Variants in MMP16 observed in about 807,000 individuals in gnomAD.
The protein encoded by MMP16 is matrix metallopeptidase 16.
A neutral mutation model predicts 67.8 loss-of-function variants in MMP16; 12 were observed. The ratio of observed to expected loss-of-function variants is 0.18; its 90% confidence interval spans 0.11 to 0.29. MMP16 has a LOEUF of 0.29. MMP16 is among the 10% of genes least tolerant of loss of function. MMP16 has a pLI of 1.00. For missense variants in MMP16, 475 were observed against 765.7 expected (o/e 0.62, Z 4.48); for synonymous variants, 249 against 255.9 (o/e 0.97, Z 0.26).
chr8:88,261,792 C>CACACACACA (rs1321855639), intron 1 of MMP16, among the ~76,000 whole-genome samples: 3 of 151,520 alleles, frequency 2.0e-5, no homozygotes, highest in Non-Finnish European at 2.9e-5. Context: ...CACACACACA[C>CACACACACA]AACCATATAA....
chr8:88,186,582 G>A lies in MMP16; in HGVS notation c.298C>T (p.Arg100Ter), dbSNP rs747928115. Residue 100 changes from arginine to a stop codon, truncating the protein, a stop_gained, in exon 3 of 10, where the codon CGA becomes TGA. Transcript: ENST00000286614. LOFTEE classifies it high-confidence loss of function. ...RNTIDWMKKPRCGVPDQTRGS... is the reference protein window; with the variant it reads ...RNTIDWMKKP ...CTTGTCTGGTCAGGTACACCGCATC[G>A]GGGCTTCTTCATCCAGCTGCAAAAA... 3 of 1,568,884 alleles carry A rather than the reference G, an allele frequency of 1.9e-6. No individual in the cohort carries two copies. The highest frequency in any genetic ancestry group is 1.2e-5 in the South Asian group (1 of 84,030).
intron 6 of MMP16, 84 bp from the exon 7 acceptor site, chr8:88,074,827 T>C: frequency 1.4e-6 from 2 of 1,465,440 alleles, no homozygotes; most frequent in Non-Finnish European, 9.3e-7. Context: ...GCTTTTGAAA[T>C]CAAGCTGGTT....
At chr8:88,119,737 A>G (rs1807787399) in intron 4 of MMP16, among the ~76,000 whole-genome samples, 2 of 152,078 alleles carry the variant, frequency 1.3e-5, no homozygotes, top group Non-Finnish European at 1.5e-5. Flanking sequence ...TTTTAATGCT[A>G]AAAATTTACT....
chr8:88,306,446 A>C (rs1020469775), intron 1 of MMP16, among the ~76,000 whole-genome samples: 1 of 152,140 alleles, frequency 6.6e-6, no homozygotes, highest in Non-Finnish European at 1.5e-5. Flanking sequence ...CACCAACATC[A>C]TCCTGATACC....
At chr8:88,043,062 T>C (rs1175154113) in intron 9 of MMP16, among the ~76,000 whole-genome samples, 2 of 152,212 alleles carry the variant, frequency 1.3e-5, no homozygotes, top group African/African-American at 4.8e-5. Flanking sequence ...GAGGACTTAT[T>C]ATGGAAGAAG....
chr8:88,313,279 T>C (rs1033473489), intron 1 of MMP16, among the ~76,000 whole-genome samples: 2 of 152,210 alleles, frequency 1.3e-5, no homozygotes, highest in African/African-American at 4.8e-5. Context: ...TCAGCTTTTG[T>C]GTCTCTGAAA....
At chr8:88,106,263 T>C (rs1293176604) in intron 6 of MMP16, among the ~76,000 whole-genome samples, 2 of 151,112 alleles carry the variant, frequency 1.3e-5, no homozygotes, top group African/African-American at 4.8e-5. Context: ...TAAGTATGTG[T>C]TCCCCAACTT....
chr8:88,146,762 C>T (rs976917770), intron 4 of MMP16, among the ~76,000 whole-genome samples: 1 of 151,244 alleles, frequency 6.6e-6, no homozygotes, highest in Non-Finnish European at 1.5e-5. Flanking sequence ...AGGGGCAAGG[C>T]TTTCTTTAGA....
intron 4 of MMP16, among the ~76,000 whole-genome samples, chr8:88,127,536 A>C (rs1202672854): frequency 6.6e-6 from 1 of 151,780 alleles, no homozygotes; most frequent in African/African-American, 2.4e-5. Context: ...ACATTATTAC[A>C]TTACTGTTGG....
At chr8:88,082,957 CTGAT>C (rs1169687614) in intron 6 of MMP16, among the ~76,000 whole-genome samples, 2 of 151,916 alleles carry the variant, frequency 1.3e-5, no homozygotes, top group Non-Finnish European at 2.9e-5. Flanking sequence ...ACCCAGTACT[CTGAT>C]TGTACATTAG....
At chr8:88,150,797 G>A (rs1808391911) in intron 4 of MMP16, among the ~76,000 whole-genome samples, 1 of 151,492 alleles carries the variant, frequency 6.6e-6, no homozygotes, top group Non-Finnish European at 1.5e-5. Context: ...GGAAGAAACT[G>A]CATCAACTAA....
At chr8:88,300,432 C>T (rs1167246815) in intron 1 of MMP16, among the ~76,000 whole-genome samples, 1 of 152,170 alleles carries the variant, frequency 6.6e-6, no homozygotes, top group Non-Finnish European at 1.5e-5. Flanking sequence ...CCCACTCCAT[C>T]AGCCCTGGAC....
intron 1 of MMP16, among the ~76,000 whole-genome samples, chr8:88,219,871 C>A (rs1175717665): frequency 6.6e-6 from 1 of 152,050 alleles, no homozygotes; most frequent in Non-Finnish European, 1.5e-5. Flanking sequence ...CAGATATATT[C>A]ATCTTTTGAA....
Position 88,208,192 on chromosome 8 carries a change from C to T in MMP16, c.133-10886G>A, listed in dbSNP as rs527964490. 3.3e-5 allele frequency among the ~76,000 whole-genome samples: 5 copies of T among 149,896 alleles called. No individual in the cohort carries two copies. The South Asian group carries it at 1.1e-3, about 32-fold the overall frequency. On this transcript the variant is annotated intron_variant, in intron 1 of 9. Transcript: ENST00000286614. The stretch of plus-strand genomic sequence containing the variant: ...TCATGAGTAAGGAAGAGAACCAGCA[C>T]CAAGCTTTCAGGCAGGAAGAAATGG...
intron 3 of MMP16, among the ~76,000 whole-genome samples, chr8:88,173,342 G>A (rs2139480): frequency 0.37 from 55,884 of 151,940 alleles, 11,380 homozygotes; most frequent in East Asian, 0.49. Flanking sequence ...GTGAGCCACC[G>A]GTCCCGGCTC....
intron 4 of MMP16, among the ~76,000 whole-genome samples, chr8:88,161,015 T>G (rs1408186132): frequency 6.6e-6 from 1 of 152,074 alleles, no homozygotes; most frequent in African/African-American, 2.4e-5. Context: ...TCTCTTTTTT[T>G]GTTGTGTCTC....
chr8:88,108,917 G>A lies in MMP16; in HGVS notation c.1083+7590C>T, dbSNP rs184173851. Reference sequence around the variant, plus strand: ...GTAAAGTAAAGTTGTGTGTTGTAAAGTCTGTTGTTGCTTTTGTTTATAGAT... The same window carrying A: ...GTAAAGTAAAGTTGTGTGTTGTAAAATCTGTTGTTGCTTTTGTTTATAGAT... On this transcript the variant is annotated intron_variant, in intron 6 of 9. Transcript: ENST00000286614. Among the ~76,000 whole-genome samples the A allele has an allele frequency of 2.0e-5, 3 of 151,382 alleles. No homozygotes were observed. The East Asian group carries it at 5.9e-4, about 30-fold the overall frequency.
intron 1 of MMP16, among the ~76,000 whole-genome samples, chr8:88,242,354 C>A (rs560606723): frequency 1.3e-5 from 2 of 152,276 alleles, no homozygotes; most frequent in African/African-American, 4.8e-5. Context: ...GGAAAAATTT[C>A]TATATCAGTT....
intron 6 of MMP16, among the ~76,000 whole-genome samples, chr8:88,100,672 G>A (rs1343427450): frequency 6.6e-6 from 1 of 151,916 alleles, no homozygotes; most frequent in African/African-American, 2.4e-5. Flanking sequence ...AAAGACACCT[G>A]CACATGTATG....
Sources: allele counts gnomAD v4.1 joint callset (sites outside exome capture counted in the v4.1 genomes callset), GRCh38; gene constraint gnomAD v4.1.1; transcripts MANE v1.5; gene names NCBI Gene and HGNC (gene_info 2026-07-23, HGNC 2026-07-21).